The following ITGA9 variants were observed in gnomAD, a reference collection of about 807,000 sequenced individuals.
The protein encoded by ITGA9 is integrin subunit alpha 9, also known as integrin alpha-9.
ITGA9 carries 56 observed loss-of-function variants against 127.8 expected under a neutral mutation model. The observed-to-expected ratio is 0.44, with a 90% confidence interval of 0.35 to 0.55. ITGA9 has a LOEUF of 0.55. ITGA9 is among the 20% of genes least tolerant of loss of function. The pLI is 0.00. For synonymous variants in ITGA9, 508 were observed against 514.5 expected, an observed-to-expected ratio of 0.99 and a Z score of 0.17; for missense variants, 1,196 against 1,347.1, an observed-to-expected ratio of 0.89 and a Z score of 1.76.
intron 18 of ITGA9, among the ~76,000 whole-genome samples, chr3:37,713,245 G>T (rs989326191): frequency 1.3e-5 from 2 of 152,200 alleles, no homozygotes; most frequent in African/African-American, 2.4e-5. Flanking sequence ...GACAACAAAA[G>T]TGGGAGCTTT....
At chr3:37,516,362 A>C (rs1356916917) in intron 9 of ITGA9, among the ~76,000 whole-genome samples, 1 of 152,178 alleles carries the variant, frequency 6.6e-6, no homozygotes, top group Non-Finnish European at 1.5e-5. Context: ...TGGTTTTGCC[A>C]TGTCCTAGCC....
intron 15 of ITGA9, among the ~76,000 whole-genome samples, chr3:37,627,107 A>G (rs1425699587): frequency 2.6e-5 from 4 of 152,160 alleles, no homozygotes; most frequent in Non-Finnish European, 5.9e-5. Flanking sequence ...GGAGTTCAAG[A>G]GGCGTTTTCT....
At chr3:37,620,912 C>G (rs1431585597) in intron 15 of ITGA9, among the ~76,000 whole-genome samples, 1 of 152,222 alleles carries the variant, frequency 6.6e-6, no homozygotes, top group Non-Finnish European at 1.5e-5. Flanking sequence ...CTCTTCTCAG[C>G]TTCCCTATGC....
At chr3:37,668,564 T>C (rs148085149) in intron 17 of ITGA9, among the ~76,000 whole-genome samples, 38 of 152,338 alleles carry the variant, frequency 2.5e-4, no homozygotes, top group African/African-American at 9.1e-4. Context: ...CAGTTTATTC[T>C]GTGTGGCTGT....
At chr3:37,656,321 A>G (rs894631111) in intron 17 of ITGA9, among the ~76,000 whole-genome samples, 10 of 152,176 alleles carry the variant, frequency 6.6e-5, no homozygotes, top group African/African-American at 2.4e-4. Flanking sequence ...CTTTGTTTCC[A>G]TGAGCACAGA....
At chr3:37,735,127 C>G (rs1382132024) in intron 19 of ITGA9, among the ~76,000 whole-genome samples, 1 of 152,238 alleles carries the variant, frequency 6.6e-6, no homozygotes, top group Non-Finnish European at 1.5e-5. Flanking sequence ...TCTCTCACAG[C>G]CTGCCCAGTT....
intron 18 of ITGA9, among the ~76,000 whole-genome samples, chr3:37,698,937 G>A (rs1003479551): frequency 1.4e-4 from 22 of 152,254 alleles, no homozygotes; most frequent in Admixed American, 3.9e-4. Context: ...ACGTTTTCAC[G>A]TGCCCCTCAG....
rs117418994 is a variant in ITGA9 at position 37,685,068 on chromosome 3, A to G, written c.2067+1053A>G. On this transcript the variant is annotated intron_variant, in intron 18 of 27. Coordinates refer to ENST00000264741, the MANE Select transcript of ITGA9 (RefSeq NM_002207.3). The stretch of plus-strand genomic sequence containing the variant: ...GACTGCTTGCAGCTTTTTAATATTT[A>G]CAGCATTGAACGGGGTTGCCTTGTT... Among the ~76,000 whole-genome samples, 146 of 152,304 alleles carry G rather than the reference A, an allele frequency of 9.6e-4. No homozygotes were observed. The East Asian group carries it at 0.024, about 25-fold the overall frequency.
At position 37,784,975 on chromosome 3, in the gene ITGA9, A is replaced by G. The variant is rs775676196; in HGVS notation, c.2788-2A>G. On this transcript the variant is annotated splice_acceptor_variant, in intron 25 of 27. Coordinates refer to ENST00000264741, the MANE Select transcript of ITGA9 (RefSeq NM_002207.3). LOFTEE classifies it high-confidence loss of function. ...AAGTAAGTTGTGTTGTTTCTTCCACAGGACAGTTCGTCTGTCATCCAGTTC... is the reference window on the plus strand; with the variant it reads ...AAGTAAGTTGTGTTGTTTCTTCCACGGGACAGTTCGTCTGTCATCCAGTTC... The G allele has an allele frequency of 1.2e-6, 2 of 1,612,248 alleles. No individual in the cohort carries two copies. Among genetic ancestry groups the G allele is most frequent in the African/African-American group, 2.7e-5 (2 of 74,884 alleles).
At chr3:37,596,727 C>T (rs367880774) in intron 15 of ITGA9, among the ~76,000 whole-genome samples, 7 of 152,082 alleles carry the variant, frequency 4.6e-5, no homozygotes, top group Admixed American at 6.5e-5. Flanking sequence ...CTGGGGCCAG[C>T]GGAGGAGACC....
At chr3:37,490,048 C>G (rs2019750) in intron 4 of ITGA9, among the ~76,000 whole-genome samples, 58,967 of 151,464 alleles carry the variant, frequency 0.39, 11,533 homozygotes, top group South Asian at 0.55. Flanking sequence ...AGAGAGCAGA[C>G]TACGATCCTG....
intron 16 of ITGA9, among the ~76,000 whole-genome samples, chr3:37,650,621 AG>A (rs955356469): frequency 6.6e-6 from 1 of 151,856 alleles, no homozygotes; most frequent in Non-Finnish European, 1.5e-5. Flanking sequence ...TAGTAGAGAC[AG>A]GGTTTCACCA....
At chr3:37,616,337 T>G (rs942971637) in intron 15 of ITGA9, among the ~76,000 whole-genome samples, 2 of 152,208 alleles carry the variant, frequency 1.3e-5, no homozygotes, top group African/African-American at 2.4e-5. Context: ...AGACAGCTTG[T>G]TATAATTTCT....
chr3:37,595,922 C>T (rs1004382394), intron 15 of ITGA9, among the ~76,000 whole-genome samples: 9 of 152,148 alleles, frequency 5.9e-5, no homozygotes, highest in Non-Finnish European at 8.8e-5. Flanking sequence ...AAGGTCAAAC[C>T]GCTGCTTCCT....
chr3:37,518,180 C>T (rs1022274220), intron 10 of ITGA9, among the ~76,000 whole-genome samples: 4 of 148,398 alleles, frequency 2.7e-5, no homozygotes, highest in African/African-American at 9.8e-5. Context: ...CAGCAGTGTT[C>T]CTCACAGCCT....
rs893366694 is a variant in ITGA9 at position 37,793,403 on chromosome 3, C to T, written c.2889+8325C>T. 8.0e-3 allele frequency among the ~76,000 whole-genome samples: 1,092 copies of T among 136,916 alleles called. 12 individuals carry two copies. The highest frequency in any genetic ancestry group is 0.025 in the African/African-American group (992 of 39,712). The allele number at this position is 136,916 out of a possible 152,430, so 89.8% of individuals were successfully genotyped here. A position where few individuals can be genotyped will look rare whatever the true frequency, so the allele number is the denominator to read the frequency against. On this transcript the variant is annotated intron_variant, in intron 26 of 27. Coordinates refer to ENST00000264741, the MANE Select transcript of ITGA9 (RefSeq NM_002207.3). ...CCAAACAGGTCAACACACACACACA[C>T]ACACACACACACACACACACACACA... is the stretch of plus-strand genomic sequence containing the variant.
At chr3:37,666,754 A>T (rs1700590386) in intron 17 of ITGA9, among the ~76,000 whole-genome samples, 1 of 152,216 alleles carries the variant, frequency 6.6e-6, no homozygotes. Context: ...TCCTGATGGG[A>T]GGAGCTGCAA....
chr3:37,712,329 T>G (rs1230286726), intron 18 of ITGA9, among the ~76,000 whole-genome samples: 1 of 143,858 alleles, frequency 7.0e-6, no homozygotes, highest in East Asian at 2.1e-4. Context: ...CCCTTTGGTG[T>G]CTGGAGCCAT....
At chr3:37,561,838 A>C (rs543162594) in intron 15 of ITGA9, among the ~76,000 whole-genome samples, 1 of 152,170 alleles carries the variant, frequency 6.6e-6, no homozygotes, top group African/African-American at 2.4e-5. Flanking sequence ...GCTCGAGTAC[A>C]AGCCTTCCGG....
Sources: allele counts gnomAD v4.1 joint callset (sites outside exome capture counted in the v4.1 genomes callset), GRCh38; gene constraint gnomAD v4.1.1; transcripts MANE v1.5; gene names NCBI Gene and HGNC (gene_info 2026-07-23, HGNC 2026-07-21).